The following C12orf56 variants were observed in gnomAD, a reference collection of about 807,000 sequenced individuals.
C12orf56 encodes chromosome 12 open reading frame 56, also known as uncharacterized protein C12orf56.
A neutral mutation model predicts 69.9 loss-of-function variants in C12orf56; 71 were observed. The observed-to-expected ratio is 1.02, with a 90% CI of 0.84 to 1.24. The LOEUF is 1.24. Ranked by LOEUF, C12orf56 falls within the 50% of genes most tolerant of loss-of-function variation. The pLI, the probability that C12orf56 is intolerant of heterozygous loss-of-function variation, is 0.00. For missense variants in C12orf56, 732 were observed against 738.5 expected, an observed-to-expected ratio of 0.99 and a Z score of 0.10; for synonymous variants, 276 against 274.1, an observed-to-expected ratio of 1.01 and a Z score of -0.07.
At position 64,266,401 on chromosome 12, in the gene C12orf56, T is replaced by G; in HGVS notation, c.*782A>C. ...ATGTAGGTTTCTTTGTAGCAGATTT[T>G]AAAACTCTGGCCTCCGGCCTTGGTG... On this transcript the variant is annotated 3_prime_UTR_variant, in exon 13 of 13. Transcript: ENST00000543942. The G allele has an allele frequency of 4.2e-6, 1 of 238,836 alleles. No homozygotes were observed. Among genetic ancestry groups the G allele is most frequent in the Non-Finnish European group, 9.0e-6 (1 of 111,116 alleles). The allele number at this position is 238,836 out of a possible 1,614,324, so 14.8% of individuals were successfully genotyped here.
At chr12:64,376,326 G>A (rs75299496) in intron 1 of C12orf56, among the ~76,000 whole-genome samples, 7,133 of 152,062 alleles carry the variant, frequency 0.047, 561 homozygotes, top group African/African-American at 0.16. Context: ...GAGTTCGTTG[G>A]GCCCCAAAGC....
intron 1 of C12orf56, among the ~76,000 whole-genome samples, chr12:64,365,802 G>A (rs568058423): frequency 2.2e-5 from 3 of 135,790 alleles, no homozygotes; most frequent in East Asian, 4.2e-4. Context: ...TATATATTAT[G>A]TATAATATAT....
At chr12:64,338,578 C>T in intron 2 of C12orf56, 1 of 1,541,190 alleles carries the variant, frequency 6.5e-7, no homozygotes, top group South Asian at 1.1e-5. Context: ...TCAAATTGGA[C>T]ATCTGAATTT....
At chr12:64,276,004 C>CT (rs146570029) in intron 9 of C12orf56, among the ~76,000 whole-genome samples, 1 of 150,936 alleles carries the variant, frequency 6.6e-6, no homozygotes, top group Non-Finnish European at 1.5e-5. Flanking sequence ...AATACACACC[C>CT]CCCCCCGCGA....
intron 1 of C12orf56, among the ~76,000 whole-genome samples, chr12:64,358,482 AATC>A (rs1555193400): frequency 1.3e-4 from 17 of 125,944 alleles, no homozygotes; most frequent in African/African-American, 4.5e-4. Context: ...TAATAATAAT[AATC>A]ATCATCATCA....
At chr12:64,294,730 T>G (rs2038342458) in intron 6 of C12orf56, among the ~76,000 whole-genome samples, 1 of 152,108 alleles carries the variant, frequency 6.6e-6, no homozygotes, top group Non-Finnish European at 1.5e-5. Context: ...GTAGAGAGTT[T>G]CAGTTTTGTA....
At chr12:64,335,458 C>T (rs1035249580) in intron 2 of C12orf56, among the ~76,000 whole-genome samples, 2 of 147,316 alleles carry the variant, frequency 1.4e-5, no homozygotes, top group Non-Finnish European at 3.0e-5. Context: ...GCTACTAATA[C>T]AGTTCAATCC....
intron 12 of C12orf56, among the ~76,000 whole-genome samples, chr12:64,269,483 T>C (rs1049770370): frequency 1.3e-5 from 2 of 152,232 alleles, no homozygotes. Context: ...ACAAAACCCC[T>C]GATAACCATG....
chr12:64,284,733 T>G lies in C12orf56; in HGVS notation c.1241A>C (p.Gln414Pro). The part of the protein sequence containing the change: ...DELVACIEII[Q>P]TLVLMFRETE... ...TTCTCTGAACATCAATACTAGGGTCTGTATAATTTCAATGCATGCCCTAGA... is the reference window on the plus strand; with the variant it reads ...TTCTCTGAACATCAATACTAGGGTCGGTATAATTTCAATGCATGCCCTAGA... The change falls in exon 8 of 13, where the codon CAG becomes CCG. Residue 414 changes from glutamine (Q) to proline (P), a missense_variant. Physicochemically the swap from Gln to Pro is moderately conservative, Grantham distance 76. Coordinates refer to ENST00000543942, the MANE Select transcript of C12orf56 (RefSeq NM_001170633.2). The G allele has an allele frequency of 1.2e-6, 2 of 1,607,566 alleles. No homozygotes were observed. The highest frequency in any genetic ancestry group is 1.7e-6 in the Non-Finnish European group (2 of 1,177,380).
At chr12:64,321,421 T>G (rs990295054) in intron 3 of C12orf56, among the ~76,000 whole-genome samples, 1 of 152,184 alleles carries the variant, frequency 6.6e-6, no homozygotes, top group Non-Finnish European at 1.5e-5. Flanking sequence ...GTGATCCTCC[T>G]GCCTCAGTCT....
At chr12:64,375,818 A>G (rs749186094) in intron 1 of C12orf56, among the ~76,000 whole-genome samples, 4 of 152,214 alleles carry the variant, frequency 2.6e-5, no homozygotes, top group Non-Finnish European at 5.9e-5. Context: ...TTATGCAACA[A>G]CGAACAGTTT....
chr12:64,359,281 C>G (rs1034001141), intron 1 of C12orf56, among the ~76,000 whole-genome samples: 28 of 152,152 alleles, frequency 1.8e-4, no homozygotes, highest in African/African-American at 5.8e-4. Context: ...CTCTCTTCAT[C>G]AAACCAAGCA....
intron 9 of C12orf56, among the ~76,000 whole-genome samples, 194 bp from the exon 10 acceptor site, chr12:64,275,566 A>G (rs1241472661): frequency 6.6e-6 from 1 of 152,178 alleles, no homozygotes; most frequent in Admixed American, 6.5e-5. Context: ...GGCACAAGCC[A>G]TTCCTCTCAC....
chr12:64,294,565 T>G (rs1041023534), intron 6 of C12orf56, among the ~76,000 whole-genome samples: 11 of 152,064 alleles, frequency 7.2e-5, no homozygotes, highest in Admixed American at 7.2e-4. Flanking sequence ...CTAGGTGAAA[T>G]CTCAGTCACA....
chr12:64,325,360 C>CT (rs2038824045), intron 3 of C12orf56, among the ~76,000 whole-genome samples: 1 of 40,376 alleles, frequency 2.5e-5, no homozygotes, highest in Admixed American at 3.6e-4. Context: ...AAGACCCTGT[C>CT]TAAAAAAAAA....
intron 8 of C12orf56, among the ~76,000 whole-genome samples, chr12:64,279,348 G>A (rs139657502): frequency 3.3e-5 from 5 of 152,270 alleles, no homozygotes; most frequent in African/African-American, 7.2e-5. Context: ...GGTTAATAAC[G>A]CTATCTCCTC....
intron 6 of C12orf56, among the ~76,000 whole-genome samples, chr12:64,296,899 C>A (rs1200668182): frequency 6.6e-6 from 1 of 151,200 alleles, no homozygotes; most frequent in African/African-American, 2.4e-5. Flanking sequence ...GCTCTTTTGC[C>A]CTCTGCCTTC....
intron 5 of C12orf56, among the ~76,000 whole-genome samples, chr12:64,312,175 A>C (rs918981982): frequency 6.6e-5 from 10 of 152,144 alleles, no homozygotes; most frequent in Admixed American, 5.2e-4. Flanking sequence ...GTTCTCTTTT[A>C]ATATGTTGAC....
intron 3 of C12orf56, among the ~76,000 whole-genome samples, chr12:64,323,350 G>A (rs183661533): frequency 6.0e-4 from 92 of 152,170 alleles, no homozygotes; most frequent in Non-Finnish European, 1.0e-3. Flanking sequence ...CCAGCAATTC[G>A]AATATGCCAG....
Sources: gnomAD v4.1 joint callset for allele counts (sites outside exome capture counted in the v4.1 genomes callset) on GRCh38, gnomAD v4.1.1 for gene constraint, MANE v1.5 for transcripts, NCBI Gene and HGNC (gene_info 2026-07-23, HGNC 2026-07-21) for gene names.